The following COL4A1 variants were observed in gnomAD, a reference collection of about 807,000 sequenced individuals.
The protein encoded by COL4A1 is collagen type IV alpha 1 chain, also known as collagen alpha-1(IV) chain.
In COL4A1, 40 loss-of-function variants were observed where a neutral mutation model predicts 216.6. The observed-to-expected ratio is 0.18, with a 90% confidence interval of 0.14 to 0.24. COL4A1 has a LOEUF of 0.24. COL4A1 is among the 10% of genes least tolerant of loss of function. The pLI is 1.00. For synonymous variants in COL4A1, 839 were observed against 810.7 expected (o/e 1.03, Z -0.59); for missense variants, 1,628 against 2,196.8 (o/e 0.74, Z 5.18).
At chr13:110,277,065 T>C (rs1278656550) in intron 1 of COL4A1, among the ~76,000 whole-genome samples, 1 of 152,130 alleles carries the variant, frequency 6.6e-6, no homozygotes, top group Non-Finnish European at 1.5e-5. Flanking sequence ...GACATCTGGG[T>C]TTTTGAACTC....
At chr13:110,300,841 G>T (rs1884464116) in intron 1 of COL4A1, among the ~76,000 whole-genome samples, 1 of 152,234 alleles carries the variant, frequency 6.6e-6, no homozygotes, top group South Asian at 2.1e-4. Context: ...TATCAGGTAA[G>T]AGGTACAACA....
intron 22 of COL4A1, 125 bp from the exon 23 acceptor site, chr13:110,193,038 GTGGCAA>G: frequency 1.2e-6 from 1 of 852,422 alleles, no homozygotes; most frequent in South Asian, 1.4e-5. Context: ...GGTTTGCTCA[GTGGCAA>G]TGGCTCCTCC....
chr13:110,181,561 G>T (rs1263162227), intron 28 of COL4A1, among the ~76,000 whole-genome samples, 172 bp from the exon 29 acceptor site: 2 of 152,218 alleles, frequency 1.3e-5, no homozygotes, highest in African/African-American at 2.4e-5. Context: ...CTGCCCGGCA[G>T]AGGGGTCAGG....
In COL4A1 at chr13:110,176,668, C is replaced by G. The variant is rs1020346026; in HGVS notation, c.2926G>C (p.Val976Leu). The change falls in exon 35 of 52, where the codon GTG (valine) becomes CTG (leucine). Residue 976 changes from valine (V) to leucine (L), a missense_variant. Physicochemically the swap from Val to Leu is conservative, Grantham distance 32 (BLOSUM62 1). Transcript: ENST00000375820. The stretch of plus-strand genomic sequence containing the variant: ...CCTGCCTGCCCGTCCTTTCCAGGCA[C>G]TCCTGGGGTCCCAGGGTCTCCTCGG... ...GSRGDPGTPG[V>L]PGKDGQAGQP... 6.2e-7 allele frequency: 1 copy of G among 1,614,104 alleles called. No individual in the cohort carries two copies. Among genetic ancestry groups the G allele is most frequent in the African/African-American group, 1.3e-5 (1 of 74,956 alleles).
intron 41 of COL4A1, 91 bp downstream of exon 41, chr13:110,172,629 T>C: frequency 7.8e-7 from 1 of 1,286,222 alleles, no homozygotes; most frequent in Admixed American, 1.7e-5. Context: ...CCAACAGGCA[T>C]GGGGCTTCAT....
At chr13:110,181,167 A>G in intron 29 of COL4A1, 125 bp downstream of exon 29, 1 of 820,714 alleles carries the variant, frequency 1.2e-6, no homozygotes, top group Non-Finnish European at 2.1e-6. Flanking sequence ...ATTCTATGTT[A>G]TTTCATCAAA....
At chr13:110,181,254 G>T (rs368430200) in intron 29 of COL4A1, 38 bp downstream of exon 29, 3 of 1,584,866 alleles carry the variant, frequency 1.9e-6, no homozygotes, top group Non-Finnish European at 2.6e-6. Context: ...TAACAAGGAT[G>T]GGGGAGAAGG....
chr13:110,187,699 T>C (rs1337098336), intron 24 of COL4A1, among the ~76,000 whole-genome samples: 1 of 152,174 alleles, frequency 6.6e-6, no homozygotes, highest in African/African-American at 2.4e-5. Flanking sequence ...GATTGATGTG[T>C]GGTTCATTGT....
intron 26 of COL4A1, 29 bp from the exon 27 acceptor site, chr13:110,183,305 G>A (rs768154076): frequency 5.0e-5 from 80 of 1,598,414 alleles, no homozygotes; most frequent in Non-Finnish European, 6.0e-5. Flanking sequence ...AAAGACAAAC[G>A]ATGAAGGAAT....
chr13:110,214,963 C>T (rs1464961744), intron 2 of COL4A1, among the ~76,000 whole-genome samples: 1 of 152,176 alleles, frequency 6.6e-6, no homozygotes, highest in Non-Finnish European at 1.5e-5. Context: ...ATATCTCATT[C>T]CTAGCACAAT....
At chr13:110,183,347 AG>A in intron 26 of COL4A1, 71 bp from the exon 27 acceptor site, 1 of 1,456,052 alleles carries the variant, frequency 6.9e-7, no homozygotes, top group Middle Eastern at 1.7e-4. Flanking sequence ...GAGGACACGC[AG>A]TGGGTGGGCT....
intron 26 of COL4A1, among the ~76,000 whole-genome samples, chr13:110,184,417 C>G (rs1045592196): frequency 7.2e-5 from 11 of 152,164 alleles, no homozygotes; most frequent in African/African-American, 2.7e-4. Context: ...GGAAAGTGAT[C>G]GGAAGTCCCT....
In COL4A1 at chr13:110,176,995, G is replaced by A; in HGVS notation, c.2759C>T (p.Pro920Leu). 1 of 1,614,106 alleles carries A rather than the reference G, an allele frequency of 6.2e-7. No individual in the cohort carries two copies. Among genetic ancestry groups the A allele is most frequent in the Non-Finnish European group, 8.5e-7 (1 of 1,180,040 alleles). Residue 920 changes from proline (P) to leucine (L), a missense_variant, in exon 34 of 52, where the codon CCT becomes CTT. This residue lies in a region of COL4A1 where 701 missense variants were observed against 892.5 expected (regional missense o/e 0.79). Coordinates refer to ENST00000375820, the MANE Select transcript of COL4A1 (RefSeq NM_001845.6). The part of the protein sequence containing the change: ...FPGSSGPRGD[P>L]GLKGDKGDVG... ...ATCCCCCTTATCACCTTTCAAGCCA[G>A]GGTCTCCCCTGGGTCCTGAGGAGCC...
rs1247688114 is a variant in COL4A1, at chr13:110,253,329, ATAT to A, written c.85-10598_85-10596del. Among the ~76,000 whole-genome samples the A allele has an allele frequency of 4.7e-4, 23 of 48,684 alleles. 4 individuals carry two copies. The highest frequency in any genetic ancestry group is 8.7e-4 in the Non-Finnish European group (18 of 20,728). 31.9% of individuals were successfully genotyped at this position (48,684 alleles called of 152,430 possible). ...ATATGTATTACATATACATATAATT[ATAT>A]GTATTACATATACATATAATTATAT... On this transcript the variant is annotated intron_variant, in intron 1 of 51. Transcript: ENST00000375820.
rs1566372915 is a variant in COL4A1, at chr13:110,205,373, TG to T, written c.936del (p.Ile313Ter). The T allele has an allele frequency of 6.2e-7, 1 of 1,614,098 alleles. No homozygotes were observed. The highest frequency in any genetic ancestry group is 8.5e-7 in the Non-Finnish European group (1 of 1,180,034). ...GFPGEPGYPG[L>X]IGRQGPQGEK... ...TTTACCTGCGGGCCCTGGCGGCCTA[TG>T]AGTCCTGGGTACCCGGGTTCACCAG... On this transcript the variant is annotated frameshift_variant, in exon 17 of 52. Transcript: ENST00000375820. LOFTEE classifies it high-confidence loss of function.
intron 41 of COL4A1, 39 bp downstream of exon 41, chr13:110,172,681 G>A (rs982989782): frequency 1.2e-5 from 19 of 1,594,288 alleles, no homozygotes; most frequent in Non-Finnish European, 1.4e-5. Flanking sequence ...AGGCAGCAGC[G>A]GTTGGTTGAA....
chr13:110,153,598 AT>A (rs1876616053), intron 50 of COL4A1, among the ~76,000 whole-genome samples: 1 of 152,108 alleles, frequency 6.6e-6, no homozygotes. Context: ...AGCTTACATC[AT>A]TGTTAGTGTC....
intron 1 of COL4A1, among the ~76,000 whole-genome samples, chr13:110,260,735 C>T (rs1051201206): frequency 6.6e-6 from 1 of 152,088 alleles, no homozygotes; most frequent in Non-Finnish European, 1.5e-5. Context: ...TACTCACAGC[C>T]GGTGAACTCT....
chr13:110,201,534 A>C lies in COL4A1; in HGVS notation c.1000-12T>G, dbSNP rs1879240415. 6.2e-7 allele frequency: 1 copy of C among 1,612,774 alleles called. No individual in the cohort carries two copies. The highest frequency in any genetic ancestry group is 8.5e-7 in the Non-Finnish European group (1 of 1,178,720). On this transcript the variant is annotated splice_polypyrimidine_tract_variant and intron_variant, in intron 18 of 51. Coordinates refer to ENST00000375820, the MANE Select transcript of COL4A1 (RefSeq NM_001845.6). The stretch of plus-strand genomic sequence containing the variant: ...CCTGTGCCTATAACCTGAATCGAGA[A>C]GGAAAAGGTGATCATCCCGTGGCAT...
Sources: allele counts gnomAD v4.1 joint callset (sites outside exome capture counted in the v4.1 genomes callset), GRCh38; gene constraint gnomAD v4.1.1; regional missense constraint gnomAD v4.1.1; transcripts MANE v1.5; gene names NCBI Gene and HGNC (gene_info 2026-07-23, HGNC 2026-07-21).